Variants in CRACDL observed in about 807,000 individuals in gnomAD.
The protein encoded by CRACDL is CRACD like, also known as CRACD-like protein.
CRACDL carries 26 observed loss-of-function variants against 70.6 expected under a neutral mutation model. The observed-to-expected ratio is 0.37, with a 90% confidence interval of 0.27 to 0.51. The LOEUF is 0.51. Ranked by LOEUF, CRACDL falls within the 20% of genes least tolerant of loss-of-function variation. CRACDL has a pLI of 0.94. For synonymous variants in CRACDL, 618 were observed against 615.2 expected, an observed-to-expected ratio of 1.00 and a Z score of -0.07; for missense variants, 1,283 against 1,376.9, an observed-to-expected ratio of 0.93 and a Z score of 1.08.
At chr2:98,815,575 G>A (rs1559208188) in intron 7 of CRACDL, among the ~76,000 whole-genome samples, 2 of 152,206 alleles carry the variant, frequency 1.3e-5, no homozygotes, top group African/African-American at 4.8e-5. Flanking sequence ...TGCTGTCTGT[G>A]CTAATACGGG....
At chr2:98,884,359 T>C (rs991751219) in intron 1 of CRACDL, among the ~76,000 whole-genome samples, 2 of 152,162 alleles carry the variant, frequency 1.3e-5, no homozygotes, top group Non-Finnish European at 2.9e-5. Flanking sequence ...TATCACACTC[T>C]CTGCACAGGT....
In CRACDL at chr2:98,812,561, G is replaced by A. The variant is rs931682220; in HGVS notation, c.2416+9296C>T. On this transcript the variant is annotated intron_variant, in intron 7 of 9. Transcript: ENST00000397899. ...TTGTTTTGGTCATTTTAATAGTTAC[G>A]TAATGGTATCTCATTATGGTTTTGT... Among the ~76,000 whole-genome samples the A allele has an allele frequency of 3.5e-4, 54 of 152,226 alleles. No individual in the cohort carries two copies. The East Asian group carries it at 6.4e-3, about 18-fold the overall frequency.
chr2:98,836,818 C>T (rs1705804186), intron 3 of CRACDL, among the ~76,000 whole-genome samples: 2 of 152,122 alleles, frequency 1.3e-5, no homozygotes, highest in African/African-American at 4.8e-5. Flanking sequence ...CGCCGTGGAT[C>T]ACGCCTGTAA....
At chr2:98,894,899 A>C (rs560678465) in intron 1 of CRACDL, among the ~76,000 whole-genome samples, 112 of 152,172 alleles carry the variant, frequency 7.4e-4, no homozygotes, top group Non-Finnish European at 1.4e-3. Flanking sequence ...TGAGCTCAGG[A>C]GTTCAGGACC....
chr2:98,862,498 T>C (rs2104575570), intron 1 of CRACDL, among the ~76,000 whole-genome samples: 1 of 152,290 alleles, frequency 6.6e-6, no homozygotes, highest in Admixed American at 6.5e-5. Flanking sequence ...AAAACAGCTA[T>C]CTTAAAAATG....
intron 1 of CRACDL, among the ~76,000 whole-genome samples, chr2:98,894,285 G>A (rs567408321): frequency 6.6e-5 from 10 of 152,232 alleles, no homozygotes; most frequent in Non-Finnish European, 1.2e-4. Flanking sequence ...ATTTGGCTGC[G>A]AAGTCACCCT....
At chr2:98,934,050 C>T (rs563010526) in intron 1 of CRACDL, among the ~76,000 whole-genome samples, 87 of 152,236 alleles carry the variant, frequency 5.7e-4, no homozygotes, top group Non-Finnish European at 1.2e-3. Flanking sequence ...CCTATCACTT[C>T]CCAAAGGCCT....
chr2:98,812,613 G>C (rs750256172), intron 7 of CRACDL, among the ~76,000 whole-genome samples: 3 of 152,022 alleles, frequency 2.0e-5, no homozygotes, highest in Admixed American at 6.6e-5. Context: ...ATGATGGTAA[G>C]CATATTTTCA....
In CRACDL at chr2:98,822,198, G is replaced by A. The variant is rs753045151; in HGVS notation, c.2075C>T (p.Ser692Leu). 11 of 1,610,914 alleles carry A rather than the reference G, an allele frequency of 6.8e-6. No individual in the cohort carries two copies. The highest frequency in any genetic ancestry group is 9.3e-6 in the Non-Finnish European group (11 of 1,179,280). ...AGAGGCGCCATCCCTGTATTTGAGC[G>A]AGAGGGAGGTGGACCGGAGCTTGAC... ...FPVKLRSTSL[S>L]LKYRDGASQE... is the part of the protein sequence containing the mutation. Residue 692 changes from serine to leucine, a missense_variant, in exon 7 of 10, where the codon TCG (serine) becomes TTG (leucine). By Grantham distance (145) the Ser-to-Leu change is moderately radical. This residue lies in a region of CRACDL where 921 missense variants were observed against 881.9 expected (regional missense o/e 1.04). Coordinates refer to ENST00000397899, the MANE Select transcript of CRACDL (RefSeq NM_207362.3). This position sits in a 1 kb window ranked among gnomAD's most constrained non-coding sequence, Gnocchi z 4.9.
chr2:98,902,445 G>A (rs764170850), intron 1 of CRACDL, among the ~76,000 whole-genome samples: 1 of 152,138 alleles, frequency 6.6e-6, no homozygotes, highest in Non-Finnish European at 1.5e-5. Flanking sequence ...CAAATGATCT[G>A]ATCAATATGA....
At chr2:98,850,505 C>T (rs1024456088) in intron 1 of CRACDL, among the ~76,000 whole-genome samples, 5 of 152,252 alleles carry the variant, frequency 3.3e-5, no homozygotes, top group Admixed American at 6.5e-5. Context: ...GCTCCTCACA[C>T]GAAGACAGTG....
At chr2:98,839,951 CT>C (rs1705951108) in intron 2 of CRACDL, among the ~76,000 whole-genome samples, 1 of 152,038 alleles carries the variant, frequency 6.6e-6, no homozygotes, top group Non-Finnish European at 1.5e-5. Flanking sequence ...TTTTAATTGC[CT>C]TAAAAAAGTT....
chr2:98,905,143 G>A (rs35679246), intron 1 of CRACDL, among the ~76,000 whole-genome samples: 4 of 150,600 alleles, frequency 2.7e-5, no homozygotes, highest in South Asian at 2.1e-4. Flanking sequence ...CCAGCTACTC[G>A]GGAGGCTGAG....
chr2:98,833,169 C>T lies in CRACDL; in HGVS notation c.240-172G>A, dbSNP rs554235602. ...CAGTTCATCCACACGCTGTCAAATG[C>T]CAGTCAACTATTTGGAGCATTGCAG... On this transcript the variant is annotated intron_variant, in intron 3 of 9. Transcript: ENST00000397899. Among the ~76,000 whole-genome samples the T allele has an allele frequency of 9.8e-5, 15 of 152,340 alleles. No individual in the cohort carries two copies. The South Asian group carries it at 2.3e-3, about 23-fold the overall frequency.
chr2:98,929,844 A>G (rs1049691857), intron 1 of CRACDL, among the ~76,000 whole-genome samples: 2 of 152,120 alleles, frequency 1.3e-5, no homozygotes, highest in Non-Finnish European at 2.9e-5. Context: ...GGTGTATATC[A>G]AACAGAGGAG....
intron 1 of CRACDL, among the ~76,000 whole-genome samples, chr2:98,854,166 C>G (rs1706600361): frequency 6.7e-6 from 1 of 149,776 alleles, no homozygotes; most frequent in Admixed American, 6.7e-5. Context: ...CCTGTAGTCC[C>G]AGTATTCGGG....
At chr2:98,892,683 C>G (rs1708009560) in intron 1 of CRACDL, among the ~76,000 whole-genome samples, 1 of 150,222 alleles carries the variant, frequency 6.7e-6, no homozygotes, top group African/African-American at 2.4e-5. Context: ...GAGTGAGGCT[C>G]AGTCTCAAAA....
intron 1 of CRACDL, among the ~76,000 whole-genome samples, chr2:98,897,106 G>T (rs1223262239): frequency 3.3e-5 from 5 of 151,684 alleles, no homozygotes; most frequent in Non-Finnish European, 7.4e-5. Context: ...CCCCCATGCT[G>T]CTCCTTTATA....
At position 98,795,077 on chromosome 2, in the gene CRACDL, A is replaced by ATTT. The variant is rs1181969802; in HGVS notation, c.2750-409_2750-407dup. 2.3e-3 allele frequency among the ~76,000 whole-genome samples: 137 copies of ATTT among 58,472 alleles called. 11 individuals carry two copies. The highest frequency in any genetic ancestry group is 7.0e-3 in the Admixed American group (32 of 4,582). The allele number at this position is 58,472 out of a possible 152,430, so 38.4% of individuals were successfully genotyped here. On this transcript the variant is annotated intron_variant, in intron 9 of 9. Transcript: ENST00000397899. ...TATATATATATATATATATATATAT[A>ATTT]TTTTTTTTTTTTTTTGAGACAGAAG... is the stretch of plus-strand genomic sequence containing the variant.
Sources: gnomAD v4.1 joint callset for allele counts (sites outside exome capture counted in the v4.1 genomes callset) on GRCh38, gnomAD v4.1.1 for gene constraint, gnomAD v4.1.1 regional missense constraint, Gnocchi (gnomAD v3.1) non-coding constraint, MANE v1.5 for transcripts, NCBI Gene and HGNC (gene_info 2026-07-23, HGNC 2026-07-21) for gene names.